The following DHRS13 variants were observed in gnomAD, a reference collection of about 807,000 sequenced individuals.
DHRS13 encodes the protein dehydrogenase/reductase 13.
DHRS13 carries 22 observed loss-of-function variants against 17.9 expected under a neutral mutation model. That is an observed-to-expected ratio of 1.23 (90% CI 0.88 to 1.75). The LOEUF is 1.75. Ranked by LOEUF, DHRS13 falls within the 40% of genes most tolerant of loss-of-function variation. The probability of loss-of-function intolerance (pLI) is 0.00; values close to 1 mark genes in which losing one functional copy is unlikely to be tolerated. For missense variants in DHRS13, 483 were observed against 519.9 expected (o/e 0.93, Z 0.69); for synonymous variants, 206 against 220.4 (o/e 0.93, Z 0.58).
Position 28,899,021 on chromosome 17 carries a change from G to T in DHRS13, c.683-129C>A. Reference sequence around the variant, plus strand: ...GTTTGAGACCAGACTGGGCAACATAGTCAAGCTCTGTCTCTTTAAAAAAAA... The same window carrying T: ...GTTTGAGACCAGACTGGGCAACATATTCAAGCTCTGTCTCTTTAAAAAAAA... On this transcript the variant is annotated intron_variant, in intron 4 of 4. Coordinates refer to ENST00000378895, the MANE Select transcript of DHRS13 (RefSeq NM_144683.4). The surrounding 1 kb of genome is among the most constrained non-coding windows in gnomAD (Gnocchi z 4.7). The T allele has an allele frequency of 1.4e-6, 1 of 736,304 alleles. No homozygotes were observed. 45.6% of individuals were successfully genotyped at this position (736,304 alleles called of 1,614,324 possible).
At chr17:28,900,847 C>T (rs2039799182) in intron 4 of DHRS13, 143 bp downstream of exon 4, 1 of 948,322 alleles carries the variant, frequency 1.1e-6, no homozygotes. Context: ...GAACAGGTCT[C>T]TCCTTGGACT....
rs1212174462 is a variant in DHRS13, at chr17:28,900,978, A to C, written c.682+12T>G. On this transcript the variant is annotated intron_variant, in intron 4 of 4. Transcript: ENST00000378895. ...GGAGAGGGGAATCGGAAGCCAAAGA[A>C]CCAGACCTCACCTGGGTGGGCTGCA... The C allele has an allele frequency of 5.1e-6, 8 of 1,573,188 alleles. No individual in the cohort carries two copies. Among genetic ancestry groups the C allele is most frequent in the Non-Finnish European group, 6.9e-6 (8 of 1,155,718 alleles).
In DHRS13 at chr17:28,902,539, CG is replaced by C; in HGVS notation, c.246+43del. 6.9e-7 allele frequency: 1 copy of C among 1,442,076 alleles called. No homozygotes were observed. The highest frequency in any genetic ancestry group is 1.4e-5 in the South Asian group (1 of 73,554). The allele number at this position is 1,442,076 out of a possible 1,614,324, so 89.3% of individuals were successfully genotyped here. A position where few individuals can be genotyped will look rare whatever the true frequency, so the allele number is the denominator to read the frequency against. ...CTTTGCTGGCTTCTCTGTGTCCCGG[CG>C]GGTTCTCGGCTCACCGTCCCACGCG... On this transcript the variant is annotated intron_variant, in intron 2 of 4. Transcript: ENST00000378895. The surrounding 1 kb of genome is among the most constrained non-coding windows in gnomAD (Gnocchi z 4.0).
Position 28,901,800 on chromosome 17 carries a change from G to A in DHRS13, c.247-184C>T. ...TGCCTTTTACTAAAGTGTGACCTTG[G>A]GCAAGATACTTAATCTCTCTGGGTC... On this transcript the variant is annotated intron_variant, in intron 2 of 4. Coordinates refer to ENST00000378895, the MANE Select transcript of DHRS13 (RefSeq NM_144683.4). The surrounding 1 kb of genome is among the most constrained non-coding windows in gnomAD (Gnocchi z 4.3). 1 of 930,578 alleles carries A rather than the reference G, an allele frequency of 1.1e-6. No individual in the cohort carries two copies. The highest frequency in any genetic ancestry group is 1.6e-6 in the Non-Finnish European group (1 of 643,772). The allele number at this position is 930,578 out of a possible 1,614,324, so 57.6% of individuals were successfully genotyped here.
chr17:28,901,649 G>C lies in DHRS13; in HGVS notation c.247-33C>G. The C allele has an allele frequency of 6.2e-7, 1 of 1,611,334 alleles. No individual in the cohort carries two copies. Among genetic ancestry groups the C allele is most frequent in the Non-Finnish European group, 8.5e-7 (1 of 1,177,824 alleles). On this transcript the variant is annotated intron_variant, in intron 2 of 4. Transcript: ENST00000378895. The surrounding 1 kb of genome is among the most constrained non-coding windows in gnomAD (Gnocchi z 4.3). ...GAGGCAAGGGCTGGGCTTGTCACCA[G>C]GCATCTCTCTCCTCTTCCCTCTCCC...
At position 28,897,794 on chromosome 17, in the gene DHRS13, G is replaced by A; in HGVS notation, c.*647C>T. 1 of 322,460 alleles carries A rather than the reference G, an allele frequency of 3.1e-6. No individual in the cohort carries two copies. Among genetic ancestry groups the A allele is most frequent in the Non-Finnish European group, 5.6e-6 (1 of 179,502 alleles). The allele number at this position is 322,460 out of a possible 1,614,324, so 20.0% of individuals were successfully genotyped here. A position where few individuals can be genotyped will look rare whatever the true frequency, so the allele number is the denominator to read the frequency against. ...AGTGAGCGCAGCTTCGGCGGTCAAC[G>A]CGCTTTATTCCGAGGGGCTTCAGAT... On this transcript the variant is annotated 3_prime_UTR_variant, in exon 5 of 5. Coordinates refer to ENST00000378895, the MANE Select transcript of DHRS13 (RefSeq NM_144683.4). This position sits in a 1 kb window ranked among gnomAD's most constrained non-coding sequence, Gnocchi z 4.4.
rs748703296 is a variant in DHRS13, at chr17:28,902,914, G to A, written c.31C>T (p.Leu11=). The A allele has an allele frequency of 1.3e-6, 2 of 1,550,200 alleles. No individual in the cohort carries two copies. Among genetic ancestry groups the A allele is most frequent in the South Asian group, 1.1e-5 (1 of 87,134 alleles). The change falls in exon 1 of 5, where the codon CTG becomes TTG. Residue 11 remains leucine, a synonymous_variant. Coordinates refer to ENST00000378895, the MANE Select transcript of DHRS13 (RefSeq NM_144683.4). This position sits in a 1 kb window ranked among gnomAD's most constrained non-coding sequence, Gnocchi z 4.0. MEALLLGAGL[L]LGAYVLVYYN... ...TAGACAAGCACGTAAGCGCCCAGCA[G>A]CAACCCCGCGCCCAGCAGCAGCGCC...
In DHRS13 at chr17:28,901,343, C is replaced by T. The variant is rs1166854966; in HGVS notation, c.371-42G>A. On this transcript the variant is annotated intron_variant, in intron 3 of 4. Transcript: ENST00000378895. The surrounding 1 kb of genome is among the most constrained non-coding windows in gnomAD (Gnocchi z 4.3). ...ATGTGAGCGGCTGCTCCAGAAGGAGCTCTGCAGCCTTGGCATCCCTATCTA... is the reference window on the plus strand; with the variant it reads ...ATGTGAGCGGCTGCTCCAGAAGGAGTTCTGCAGCCTTGGCATCCCTATCTA... 1.3e-6 allele frequency: 2 copies of T among 1,582,388 alleles called. No individual in the cohort carries two copies. Among genetic ancestry groups the T allele is most frequent in the Non-Finnish European group, 1.7e-6 (2 of 1,162,690 alleles).
Position 28,902,570 on chromosome 17 carries a change from C to A in DHRS13, c.246+13G>T. 6.8e-7 allele frequency: 1 copy of A among 1,477,316 alleles called. No homozygotes were observed. Among genetic ancestry groups the A allele is most frequent in the South Asian group, 1.3e-5 (1 of 77,864 alleles). The allele number at this position is 1,477,316 out of a possible 1,614,324, so 91.5% of individuals were successfully genotyped here. On this transcript the variant is annotated intron_variant, in intron 2 of 4. Coordinates refer to ENST00000378895, the MANE Select transcript of DHRS13 (RefSeq NM_144683.4). This position sits in a 1 kb window ranked among gnomAD's most constrained non-coding sequence, Gnocchi z 4.0. Reference sequence around the variant, plus strand: ...CTCGGCTCACCGTCCCACGCGCCCCCGCTGCCTCTCACCTGGCGGAGGTCG... The same window carrying A: ...CTCGGCTCACCGTCCCACGCGCCCCAGCTGCCTCTCACCTGGCGGAGGTCG...
At position 28,902,761 on chromosome 17, in the gene DHRS13, G is replaced by A; in HGVS notation, c.127+57C>T. 1 of 1,413,832 alleles carries A rather than the reference G, an allele frequency of 7.1e-7. No homozygotes were observed. Among genetic ancestry groups the A allele is most frequent in the Non-Finnish European group, 9.2e-7 (1 of 1,091,106 alleles). The allele number at this position is 1,413,832 out of a possible 1,614,324, so 87.6% of individuals were successfully genotyped here. On this transcript the variant is annotated intron_variant, in intron 1 of 4. Transcript: ENST00000378895. The surrounding 1 kb of genome is among the most constrained non-coding windows in gnomAD (Gnocchi z 4.0). ...GCCCGGCGGGCCGCTGCTACCGCCG[G>A]CCCGGCCTCCTCTCCGCGCGCCCCG... is the stretch of plus-strand genomic sequence containing the variant.
In DHRS13 at chr17:28,901,053, A is replaced by G. The variant is rs1292109338; in HGVS notation, c.619T>C (p.Phe207Leu). 2 of 1,613,608 alleles carry G rather than the reference A, an allele frequency of 1.2e-6. No homozygotes were observed. Among genetic ancestry groups the G allele is most frequent in the African/African-American group, 2.7e-5 (2 of 74,902 alleles). The change falls in exon 4 of 5, where the codon TTT becomes CTT. Residue 207 changes from phenylalanine to leucine, a missense_variant. Physicochemically the swap from Phe to Leu is conservative, Grantham distance 22. Coordinates refer to ENST00000378895, the MANE Select transcript of DHRS13 (RefSeq NM_144683.4). This position sits in a 1 kb window ranked among gnomAD's most constrained non-coding sequence, Gnocchi z 4.3. The stretch of plus-strand genomic sequence containing the variant: ...AGCTGGTTGGCGAGCTCCCGGGCAA[A>G]CAGTACATTAGCCAGCTTAGTGTCA... ...YADTKLANVLFARELANQLEA... is the reference protein window; with the variant it reads ...YADTKLANVLLARELANQLEA...
rs778054814 is a variant in DHRS13 at position 28,901,786 on chromosome 17, A to G, written c.247-170T>C. 8 of 1,152,840 alleles carry G rather than the reference A, an allele frequency of 6.9e-6. No individual in the cohort carries two copies. Among genetic ancestry groups the G allele is most frequent in the Non-Finnish European group, 9.5e-6 (8 of 843,930 alleles). The allele number at this position is 1,152,840 out of a possible 1,614,324, so 71.4% of individuals were successfully genotyped here. On this transcript the variant is annotated intron_variant, in intron 2 of 4. Transcript: ENST00000378895. This position sits in a 1 kb window ranked among gnomAD's most constrained non-coding sequence, Gnocchi z 4.3. ...TCAAATCCTGACTTTGCCTTTTACT[A>G]AAGTGTGACCTTGGGCAAGATACTT...
At chr17:28,900,927 G>C (rs2039799575) in intron 4 of DHRS13, 63 bp downstream of exon 4, 1 of 1,506,942 alleles carries the variant, frequency 6.6e-7, no homozygotes, top group Non-Finnish European at 9.0e-7. Context: ...GTAGTGGTGT[G>C]GGGGGCACAG....
In DHRS13 at chr17:28,902,305, C is replaced by A. The variant is rs2039812333; in HGVS notation, c.246+278G>T. The stretch of plus-strand genomic sequence containing the variant: ...TCAGAGCCTTTGCTTATGCTGTGCC[C>A]TCTGCTGTTCCCTTTCCTACTGATC... On this transcript the variant is annotated intron_variant, in intron 2 of 4. Coordinates refer to ENST00000378895, the MANE Select transcript of DHRS13 (RefSeq NM_144683.4). The surrounding 1 kb of genome is among the most constrained non-coding windows in gnomAD (Gnocchi z 4.0). Among the ~76,000 whole-genome samples, 1 of 152,232 alleles carries A rather than the reference C, an allele frequency of 6.6e-6. No individual in the cohort carries two copies. Among genetic ancestry groups the A allele is most frequent in the South Asian group, 2.1e-4 (1 of 4,836 alleles).
At position 28,897,923 on chromosome 17, in the gene DHRS13, T is replaced by G. The variant is rs2039772027; in HGVS notation, c.*518A>C. On this transcript the variant is annotated 3_prime_UTR_variant, in exon 5 of 5. Transcript: ENST00000378895. This position sits in a 1 kb window ranked among gnomAD's most constrained non-coding sequence, Gnocchi z 4.4. ...CCTGACTCACTTCTCAGCACCCATC[T>G]TACGGCAGTCGGCCCTGGCCTCAGA... 1 of 212,784 alleles carries G rather than the reference T, an allele frequency of 4.7e-6. No homozygotes were observed. The highest frequency in any genetic ancestry group is 6.0e-5 in the Admixed American group (1 of 16,678). 13.2% of individuals were successfully genotyped at this position (212,784 alleles called of 1,614,324 possible).
rs934963996 is a variant in DHRS13, at chr17:28,898,176, A to C, written c.*265T>G. The stretch of plus-strand genomic sequence containing the variant: ...TCAGAATCAATAAGGGTGGGGCCTG[A>C]AAATACTACATCCAAATTTCCGAGA... On this transcript the variant is annotated 3_prime_UTR_variant, in exon 5 of 5. Transcript: ENST00000378895. 1 of 492,414 alleles carries C rather than the reference A, an allele frequency of 2.0e-6. No homozygotes were observed. The highest frequency in any genetic ancestry group is 4.0e-5 in the Admixed American group (1 of 25,076). The allele number at this position is 492,414 out of a possible 1,614,324, so 30.5% of individuals were successfully genotyped here.
In DHRS13 at chr17:28,902,496, C is replaced by T. The variant is rs2039814388; in HGVS notation, c.246+87G>A. 2 of 1,300,752 alleles carry T rather than the reference C, an allele frequency of 1.5e-6. No individual in the cohort carries two copies. The highest frequency in any genetic ancestry group is 6.3e-5 in the East Asian group (2 of 31,698). 80.6% of individuals were successfully genotyped at this position (1,300,752 alleles called of 1,614,324 possible). A position where few individuals can be genotyped will look rare whatever the true frequency, so the allele number is the denominator to read the frequency against. ...CCGCGCCGCGCTCTCCTCCCTGGAC[C>T]CGGATCCTCCGCAGCCCCTTTGCTG... On this transcript the variant is annotated intron_variant, in intron 2 of 4. Transcript: ENST00000378895. The surrounding 1 kb of genome is among the most constrained non-coding windows in gnomAD (Gnocchi z 4.0).
chr17:28,898,984 T>C, intron 4 of DHRS13, 92 bp from the exon 5 acceptor site: 1 of 1,314,712 alleles, frequency 7.6e-7, no homozygotes, highest in Non-Finnish European at 1.0e-6. Flanking sequence ...GGAGGATCAC[T>C]TGAGCCCAGG....
In DHRS13 at chr17:28,899,048, AAC is replaced by A; in HGVS notation, c.683-158_683-157del. On this transcript the variant is annotated intron_variant, in intron 4 of 4. Transcript: ENST00000378895. This position sits in a 1 kb window ranked among gnomAD's most constrained non-coding sequence, Gnocchi z 4.7. ...CAAGCTCTGTCTCTTTAAAAAAAAA[AAC>A]AACAACAAAAAAAATAGAACAGAGC... 76 of 638,584 alleles carry A rather than the reference AAC, an allele frequency of 1.2e-4. No homozygotes were observed. The highest frequency in any genetic ancestry group is 4.3e-4 in the Middle Eastern group (1 of 2,310). 39.6% of individuals were successfully genotyped at this position (638,584 alleles called of 1,614,324 possible).
Sources: gnomAD v4.1 joint callset for allele counts (sites outside exome capture counted in the v4.1 genomes callset) on GRCh38, gnomAD v4.1.1 for gene constraint, Gnocchi (gnomAD v3.1) non-coding constraint, MANE v1.5 for transcripts, NCBI Gene and HGNC (gene_info 2026-07-23, HGNC 2026-07-21) for gene names.